The following STARD13 variants were observed in gnomAD, a reference collection of about 807,000 sequenced individuals.
The protein encoded by STARD13 is stAR-related lipid transfer protein 13.
Under a neutral mutation model 106.4 loss-of-function variants are expected in STARD13, and 62 were observed. That is an observed-to-expected ratio of 0.58 (90% CI 0.48 to 0.72). The LOEUF (loss-of-function observed/expected upper bound fraction) is 0.72, where lower values mean the gene tolerates loss of function less well. STARD13 is among the 30% of genes least tolerant of loss of function. The pLI is 0.00. For synonymous variants in STARD13, 565 were observed against 553.0 expected, an observed-to-expected ratio of 1.02 and a Z score of -0.31; for missense variants, 1,387 against 1,424.0, an observed-to-expected ratio of 0.97 and a Z score of 0.42.
the STARD13 span, among the ~76,000 whole-genome samples, chr13:33,364,930 G>T: frequency 6.6e-6 from 1 of 152,156 alleles, no homozygotes; most frequent in Non-Finnish European, 1.5e-5. Flanking sequence ...GTATGCATGA[G>T]AAAAGAAAGG....
At chr13:33,444,179 G>A in the STARD13 span, among the ~76,000 whole-genome samples, 4 of 152,168 alleles carry the variant, frequency 2.6e-5, no homozygotes, top group African/African-American at 9.7e-5. Flanking sequence ...TGCTTAGTCA[G>A]TATATAGATA....
the STARD13 span, among the ~76,000 whole-genome samples, chr13:33,675,517 G>A: frequency 6.6e-6 from 1 of 152,082 alleles, no homozygotes; most frequent in Admixed American, 6.5e-5. Flanking sequence ...ATATGCCCTG[G>A]GGACTTACAT....
the STARD13 span, among the ~76,000 whole-genome samples, chr13:33,521,473 T>G: frequency 6.6e-6 from 1 of 152,158 alleles, no homozygotes; most frequent in African/African-American, 2.4e-5. Flanking sequence ...ATTGTCTATC[T>G]TCCTAAAGAT....
the STARD13 span, among the ~76,000 whole-genome samples, chr13:33,359,935 ACGTC>A: frequency 1.3e-5 from 2 of 152,154 alleles, no homozygotes; most frequent in African/African-American, 4.8e-5. Context: ...CCCTTGGAAA[ACGTC>A]TGGTTATCTA....
the STARD13 span, among the ~76,000 whole-genome samples, chr13:33,429,147 A>C: frequency 6.6e-6 from 1 of 152,268 alleles, no homozygotes; most frequent in Non-Finnish European, 1.5e-5. Flanking sequence ...TTGAGCTACC[A>C]TATGATCCAG....
intron 1 of STARD13, among the ~76,000 whole-genome samples, chr13:33,223,554 G>C (rs1888465199): frequency 6.6e-6 from 1 of 152,104 alleles, no homozygotes; most frequent in Non-Finnish European, 1.5e-5. Flanking sequence ...AGCTACTCGG[G>C]AGGCTGAGGC....
rs73458277 is a variant in STARD13, at chr13:33,267,346, G to T, written c.169+18124C>A. Among the ~76,000 whole-genome samples, 1,019 of 152,172 alleles carry T rather than the reference G, an allele frequency of 6.7e-3. 9 individuals carry two copies. Among genetic ancestry groups the T allele is most frequent in the African/African-American group, 0.023 (969 of 41,486 alleles). On this transcript the variant is annotated intron_variant, in intron 1 of 13. Transcript: ENST00000336934. ...CAGGCATGGACACTTTCTGACCAAGGGATAGAAGCTGAAGCAATGGAACAA... is the reference window on the plus strand; with the variant it reads ...CAGGCATGGACACTTTCTGACCAAGTGATAGAAGCTGAAGCAATGGAACAA...
At chr13:33,138,826 A>C (rs767390272) in intron 4 of STARD13, 1 of 471,788 alleles carries the variant, frequency 2.1e-6, no homozygotes, top group Non-Finnish European at 4.3e-6. Flanking sequence ...AGAGGCAGGG[A>C]AGGTCATCTC....
At chr13:33,629,963 T>A in the STARD13 span, among the ~76,000 whole-genome samples, 1 of 152,320 alleles carries the variant, frequency 6.6e-6, no homozygotes, top group East Asian at 1.9e-4. Context: ...TATAAAAAAA[T>A]AAAATGCACG....
the STARD13 span, among the ~76,000 whole-genome samples, chr13:33,370,619 C>CTTTTT: frequency 5.6e-4 from 74 of 131,596 alleles, no homozygotes; most frequent in African/African-American, 1.3e-3. Flanking sequence ...TTCTTTCTTT[C>CTTTTT]TTTTTTTTTT....
At chr13:33,172,827 T>C (rs1194742014) in intron 1 of STARD13, among the ~76,000 whole-genome samples, 16 of 152,196 alleles carry the variant, frequency 1.1e-4, no homozygotes, top group Non-Finnish European at 2.2e-4. Flanking sequence ...TTGTGGAAAG[T>C]TTATGAAATC....
the STARD13 span, among the ~76,000 whole-genome samples, chr13:33,367,035 C>CT: frequency 6.6e-6 from 1 of 152,146 alleles, no homozygotes; most frequent in Non-Finnish European, 1.5e-5. Flanking sequence ...ATCTGGTAGT[C>CT]TAAGTCTGCC....
At chr13:33,589,368 G>C in the STARD13 span, among the ~76,000 whole-genome samples, 390 of 151,956 alleles carry the variant, frequency 2.6e-3, 1 homozygote, top group African/African-American at 9.1e-3. Flanking sequence ...TCTTGCTTCT[G>C]TAGTTCTTTT....
rs1236027828 is a variant in STARD13 at position 33,104,459 on chromosome 13, AT to A, written c.*1133del. Reference sequence around the variant, plus strand: ...CTTTCAGATTGTAAAAGTTTAATGAATTACATTTTAAGAGTATCCTACACAT... The same window carrying A: ...CTTTCAGATTGTAAAAGTTTAATGAATACATTTTAAGAGTATCCTACACAT... On this transcript the variant is annotated 3_prime_UTR_variant, in exon 14 of 14. Coordinates refer to ENST00000336934, the MANE Select transcript of STARD13 (RefSeq NM_178006.4). 1 of 152,604 alleles carries A rather than the reference AT, an allele frequency of 6.6e-6. No individual in the cohort carries two copies. Among genetic ancestry groups the A allele is most frequent in the Admixed American group, 6.5e-5 (1 of 15,276 alleles). The allele number at this position is 152,604 out of a possible 1,614,324, so 9.5% of individuals were successfully genotyped here. A position where few individuals can be genotyped will look rare whatever the true frequency, so the allele number is the denominator to read the frequency against.
chr13:33,419,437 T>C, the STARD13 span, among the ~76,000 whole-genome samples: 1 of 151,900 alleles, frequency 6.6e-6, no homozygotes, highest in Admixed American at 6.6e-5. Context: ...TAGAAAGAAA[T>C]GAACAAAGCC....
chr13:33,247,006 G>T (rs995431568), intron 1 of STARD13, among the ~76,000 whole-genome samples: 1 of 152,078 alleles, frequency 6.6e-6, no homozygotes, highest in Non-Finnish European at 1.5e-5. Context: ...AGACCAGCCT[G>T]GCCAACATGG....
chr13:33,551,910 T>G, the STARD13 span, among the ~76,000 whole-genome samples: 6 of 151,990 alleles, frequency 3.9e-5, 1 homozygote, highest in South Asian at 1.2e-3. Context: ...GAGACAGACT[T>G]TAGATTCAAA....
chr13:33,329,550 C>G (rs73478189), intron 1 of STARD13, among the ~76,000 whole-genome samples: 1,792 of 152,094 alleles, frequency 0.012, 44 homozygotes, highest in African/African-American at 0.04. Flanking sequence ...TGTGTCTTGC[C>G]TACTATTTTG....
At chr13:33,388,590 A>C in the STARD13 span, among the ~76,000 whole-genome samples, 1 of 152,188 alleles carries the variant, frequency 6.6e-6, no homozygotes, top group African/African-American at 2.4e-5. Context: ...GCTAAGTCAC[A>C]TCTCTTCTAG....
Sources: allele counts gnomAD v4.1 joint callset (sites outside exome capture counted in the v4.1 genomes callset), GRCh38; gene constraint gnomAD v4.1.1; transcripts MANE v1.5; gene names NCBI Gene and HGNC (gene_info 2026-07-23, HGNC 2026-07-21).